Variants in CHSY3 observed in about 807,000 individuals in gnomAD.
The protein encoded by CHSY3 is N-acetylgalactosaminyl-proteoglycan 3-beta-glucuronosyltransferase 3.
A neutral mutation model predicts 67.2 loss-of-function variants in CHSY3; 35 were observed. That is an observed-to-expected ratio of 0.52 (90% CI 0.40 to 0.69). The LOEUF is 0.69. CHSY3 is among the 30% of genes least tolerant of loss of function. The pLI is 0.00. For missense variants in CHSY3, 1,069 were observed against 1,138.5 expected (o/e 0.94, Z 0.88); for synonymous variants, 474 against 434.7 (o/e 1.09, Z -1.12).
chr5:129,954,174 G>A (rs1446875551), intron 2 of CHSY3, among the ~76,000 whole-genome samples: 2 of 152,124 alleles, frequency 1.3e-5, no homozygotes, highest in African/African-American at 4.8e-5. Context: ...TAAGGAAAGG[G>A]TGCAGTTTCA....
chr5:129,939,950 G>A (rs1761645689), intron 2 of CHSY3, among the ~76,000 whole-genome samples: 1 of 152,112 alleles, frequency 6.6e-6, no homozygotes, highest in Non-Finnish European at 1.5e-5. Context: ...TATGTTATCT[G>A]AGTTATAGGA....
chr5:130,072,794 T>C (rs1766126174), intron 2 of CHSY3, among the ~76,000 whole-genome samples: 1 of 152,132 alleles, frequency 6.6e-6, no homozygotes, highest in Non-Finnish European at 1.5e-5. Context: ...TCTGTAAACA[T>C]TGAATACTGC....
chr5:130,006,822 C>T (rs1236221596), intron 2 of CHSY3, among the ~76,000 whole-genome samples: 1 of 152,124 alleles, frequency 6.6e-6, no homozygotes, highest in Non-Finnish European at 1.5e-5. Context: ...TATCTAATCC[C>T]ATATAGATAC....
intron 2 of CHSY3, among the ~76,000 whole-genome samples, chr5:130,065,343 G>A (rs866714302): frequency 1.5e-4 from 23 of 151,952 alleles, no homozygotes; most frequent in Middle Eastern, 3.4e-3. Flanking sequence ...GTAGCCCTTG[G>A]CCTCTGTTTA....
intron 2 of CHSY3, among the ~76,000 whole-genome samples, chr5:130,067,837 A>C (rs1765932637): frequency 6.6e-6 from 1 of 152,200 alleles, no homozygotes; most frequent in East Asian, 1.9e-4. Flanking sequence ...TGGGTTCCAC[A>C]CATCTATCAC....
chr5:130,014,099 C>T lies in CHSY3; in HGVS notation c.1086+105739C>T, dbSNP rs146647968. On this transcript the variant is annotated intron_variant, in intron 2 of 2. Transcript: ENST00000305031. ...CATTTCCCAAGAAGTTTCTCATCTC[C>T]ATCTGAGAACACCTCAACTTCTACC... Among the ~76,000 whole-genome samples, 265 of 152,308 alleles carry T rather than the reference C, an allele frequency of 1.7e-3. 1 individual carries two copies. Among genetic ancestry groups the T allele is most frequent in the African/African-American group, 6.1e-3 (252 of 41,574 alleles).
At chr5:130,149,260 A>G (rs902692044) in intron 2 of CHSY3, among the ~76,000 whole-genome samples, 1 of 152,188 alleles carries the variant, frequency 6.6e-6, no homozygotes, top group Non-Finnish European at 1.5e-5. Context: ...GCTATAAATA[A>G]ATACCTGAGA....
chr5:130,103,375 G>A (rs538577998), intron 2 of CHSY3, among the ~76,000 whole-genome samples: 2 of 152,106 alleles, frequency 1.3e-5, no homozygotes, highest in East Asian at 3.9e-4. Context: ...TACTTCTGTG[G>A]CATTGTACCA....
At chr5:130,086,577 T>G (rs1441938281) in intron 2 of CHSY3, among the ~76,000 whole-genome samples, 1 of 152,066 alleles carries the variant, frequency 6.6e-6, no homozygotes, top group South Asian at 2.1e-4. Context: ...CATCAGAGAA[T>G]ACTACAAACA....
intron 2 of CHSY3, among the ~76,000 whole-genome samples, chr5:129,963,766 G>C (rs935932042): frequency 5.9e-5 from 9 of 151,528 alleles, no homozygotes; most frequent in Non-Finnish European, 1.0e-4. Context: ...AATTGGTTTG[G>C]CTAATCTTGG....
intron 2 of CHSY3, among the ~76,000 whole-genome samples, chr5:129,951,128 A>G (rs575830604): frequency 6.6e-6 from 1 of 152,330 alleles, no homozygotes; most frequent in South Asian, 2.1e-4. Context: ...GACACAAAAA[A>G]TACACGATGG....
In CHSY3 at chr5:130,184,864, G is replaced by A. The variant is rs1770365585; in HGVS notation, c.1722G>A (p.Glu574=). The A allele has an allele frequency of 6.3e-7, 1 of 1,596,246 alleles. No homozygotes were observed. The highest frequency in any genetic ancestry group is 8.6e-7 in the Non-Finnish European group (1 of 1,163,706). ...TGTTCAGCAAGCCTTTCTTCAGAGA[G>A]ACCGAAGAGCTAGATGTCAACAGTC... ...QQLFSKPFFR[E]TEELDVNSLV... Residue 574 remains glutamate, a synonymous_variant, in exon 3 of 3, where the codon GAG becomes GAA. Transcript: ENST00000305031.
At position 130,143,808 on chromosome 5, in the gene CHSY3, GTGTA is replaced by G. The variant is rs1193739433; in HGVS notation, c.1087-40419_1087-40416del. Among the ~76,000 whole-genome samples the G allele has an allele frequency of 9.7e-4, 33 of 34,064 alleles. 1 individual carries two copies. Among genetic ancestry groups the G allele is most frequent in the East Asian group, 7.5e-3 (6 of 804 alleles). 22.3% of individuals were successfully genotyped at this position (34,064 alleles called of 152,430 possible). A position where few individuals can be genotyped will look rare whatever the true frequency, so the allele number is the denominator to read the frequency against. ...TGTATATATATATATATATATATGT[GTGTA>G]TATATATATATATATATATATATAT... On this transcript the variant is annotated intron_variant, in intron 2 of 2. Coordinates refer to ENST00000305031, the MANE Select transcript of CHSY3 (RefSeq NM_175856.5).
At chr5:130,101,628 A>C (rs1372208387) in intron 2 of CHSY3, among the ~76,000 whole-genome samples, 1 of 152,134 alleles carries the variant, frequency 6.6e-6, no homozygotes, top group Non-Finnish European at 1.5e-5. Flanking sequence ...AGCAATTTTC[A>C]GGTATACAAT....
At chr5:129,972,462 T>C (rs1270720721) in intron 2 of CHSY3, among the ~76,000 whole-genome samples, 1 of 152,094 alleles carries the variant, frequency 6.6e-6, no homozygotes, top group African/African-American at 2.4e-5. Context: ...TATATGTCTA[T>C]ACATCCTATT....
chr5:129,924,058 A>G (rs1389482120), intron 2 of CHSY3, among the ~76,000 whole-genome samples: 1 of 152,216 alleles, frequency 6.6e-6, no homozygotes, highest in Non-Finnish European at 1.5e-5. Context: ...TAAACTTAGT[A>G]ATTTGTTTGA....
intron 2 of CHSY3, among the ~76,000 whole-genome samples, chr5:129,941,564 C>T (rs990288883): frequency 7.9e-5 from 12 of 152,124 alleles, no homozygotes; most frequent in African/African-American, 2.9e-4. Flanking sequence ...AATTTTCATA[C>T]TATGAATACT....
chr5:130,088,486 G>A (rs1395263078), intron 2 of CHSY3, among the ~76,000 whole-genome samples: 26 of 151,856 alleles, frequency 1.7e-4, no homozygotes, highest in Admixed American at 1.7e-3. Flanking sequence ...TCTGACAAAG[G>A]GCTAATATCC....
At chr5:130,020,374 C>T (rs965479362) in intron 2 of CHSY3, among the ~76,000 whole-genome samples, 34 of 146,260 alleles carry the variant, frequency 2.3e-4, no homozygotes, top group Non-Finnish European at 4.3e-4. Flanking sequence ...GAGCTGAGAT[C>T]GTGCCACTGC....
Sources: gnomAD v4.1 joint callset for allele counts (sites outside exome capture counted in the v4.1 genomes callset) on GRCh38, gnomAD v4.1.1 for gene constraint, MANE v1.5 for transcripts, NCBI Gene and HGNC (gene_info 2026-07-23, HGNC 2026-07-21) for gene names.